Variants in PPP4R4 observed in about 807,000 individuals in gnomAD.
PPP4R4 encodes the protein protein phosphatase 4 regulatory subunit 4.
A neutral mutation model predicts 121.8 loss-of-function variants in PPP4R4; 70 were observed. The observed-to-expected ratio is 0.57, with a 90% CI of 0.47 to 0.70. The LOEUF is 0.70. PPP4R4 is among the 30% of genes least tolerant of loss of function. PPP4R4 has a pLI of 0.00. For synonymous variants in PPP4R4, 348 were observed against 355.7 expected, an observed-to-expected ratio of 0.98 and a Z score of 0.24; for missense variants, 875 against 1,033.6, an observed-to-expected ratio of 0.85 and a Z score of 2.10.
intron 15 of PPP4R4, 144 bp downstream of exon 15, chr14:94,250,421 C>G (rs1302254473): frequency 3.4e-6 from 2 of 594,744 alleles, no homozygotes; most frequent in African/African-American, 3.7e-5. Context: ...TCTAGAAATC[C>G]TTATGGCAAG....
intron 14 of PPP4R4, 133 bp from the exon 15 acceptor site, chr14:94,250,039 G>C (rs1893094351): frequency 5.0e-6 from 3 of 595,296 alleles, no homozygotes; most frequent in South Asian, 4.5e-5. Flanking sequence ...CTTCCAGAAG[G>C]ATGTAAGTTC....
chr14:94,190,531 G>T (rs1445418717), intron 2 of PPP4R4, among the ~76,000 whole-genome samples: 2 of 151,988 alleles, frequency 1.3e-5, no homozygotes, highest in Non-Finnish European at 2.9e-5. Context: ...ACCCCGGGAG[G>T]CAGAGGTTGC....
rs1888668394 is a variant in PPP4R4, at chr14:94,176,105, G to C, written c.169G>C (p.Glu57Gln). Reference protein sequence around the residue: ...LTVDEDLSDIERAVYLLSAGQ... With the variant: ...LTVDEDLSDIQRAVYLLSAGQ... ...AGTCGATGAAGACCTCAGTGATATT[G>C]AAAGGGCTGTTTATCTGCTCAGGTA... is the stretch of plus-strand genomic sequence containing the variant. The change falls in exon 2 of 25, where the codon GAA becomes CAA. Residue 57 changes from glutamate (E) to glutamine (Q), a missense_variant. Coordinates refer to ENST00000304338, the MANE Select transcript of PPP4R4 (RefSeq NM_058237.2). The C allele has an allele frequency of 6.2e-7, 1 of 1,612,040 alleles. No homozygotes were observed. Among genetic ancestry groups the C allele is most frequent in the South Asian group, 1.1e-5 (1 of 91,046 alleles).
In PPP4R4 at chr14:94,234,592, A is replaced by G. The variant is rs1233474344; in HGVS notation, c.654A>G (p.Lys218=). Residue 218 remains lysine, a synonymous_variant, in exon 7 of 25, where the codon AAA becomes AAG. Coordinates refer to ENST00000304338, the MANE Select transcript of PPP4R4 (RefSeq NM_058237.2). ...TIKREILPLV[K]SLCQDVEYEV... ...AGCGAGAAATACTTCCTCTGGTAAA[A>G]TCACTCTGTCAAGATGTAGAATATG... The G allele has an allele frequency of 1.2e-6, 2 of 1,607,086 alleles. No homozygotes were observed. The highest frequency in any genetic ancestry group is 4.5e-5 in the East Asian group (2 of 44,728).
In PPP4R4 at chr14:94,233,748, T is replaced by G; in HGVS notation, c.612T>G (p.Phe204Leu). The G allele has an allele frequency of 6.4e-7, 1 of 1,562,328 alleles. No individual in the cohort carries two copies. ...CKILGKLTNKFDAHTIKREIL... is the reference protein window; with the variant it reads ...CKILGKLTNKLDAHTIKREIL... ...TTTTAGGAAAATTGACCAACAAATT[T>G]GATGCCCACACGTGAGTATTTGTAT... The change falls in exon 6 of 25, where the codon TTT (phenylalanine) becomes TTG (leucine). Residue 204 changes from phenylalanine (F) to leucine (L), a missense_variant. Coordinates refer to ENST00000304338, the MANE Select transcript of PPP4R4 (RefSeq NM_058237.2).
rs774951844 is a variant in PPP4R4 at position 94,246,551 on chromosome 14, A to G, written c.1611+12A>G. 2.5e-6 allele frequency: 4 copies of G among 1,595,138 alleles called. No homozygotes were observed. The South Asian group carries it at 4.5e-5, about 18-fold the overall frequency. On this transcript the variant is annotated intron_variant, in intron 14 of 24. Transcript: ENST00000304338. Reference sequence around the variant, plus strand: ...TCATGATGACAAATGTGAGCTCAGTACCTTTCATCTTATTCTTTTGAACTC... The same window carrying G: ...TCATGATGACAAATGTGAGCTCAGTGCCTTTCATCTTATTCTTTTGAACTC...
At position 94,230,667 on chromosome 14, in the gene PPP4R4, G is replaced by A; in HGVS notation, c.375G>A (p.Val125=). The A allele has an allele frequency of 2.5e-6, 4 of 1,613,084 alleles. No homozygotes were observed. The highest frequency in any genetic ancestry group is 2.5e-6 in the Non-Finnish European group (3 of 1,179,018). The change falls in exon 4 of 25, where the codon GTG becomes GTA. Residue 125 remains valine (V), a synonymous_variant. Coordinates refer to ENST00000304338, the MANE Select transcript of PPP4R4 (RefSeq NM_058237.2). ...SFLTILQDES[V]SIHAYTHSFL... ...TGACCATTCTGCAGGACGAATCAGT[G>A]TCAATTCATGCATATACCCACTCAT...
At chr14:94,174,624 G>T in intron 1 of PPP4R4, 42 bp downstream of exon 1, 5 of 1,600,586 alleles carry the variant, frequency 3.1e-6, no homozygotes, top group Non-Finnish European at 4.3e-6. Flanking sequence ...GCGTCCGGCC[G>T]CCTGCCCCGC....
intron 23 of PPP4R4, among the ~76,000 whole-genome samples, chr14:94,268,042 T>C (rs1894134528): frequency 6.6e-6 from 1 of 152,188 alleles, no homozygotes; most frequent in African/African-American, 2.4e-5. Flanking sequence ...TAACAGAAAG[T>C]TGATTAACTA....
intron 3 of PPP4R4, among the ~76,000 whole-genome samples, chr14:94,223,393 A>T (rs1447743421): frequency 6.6e-6 from 1 of 152,182 alleles, no homozygotes. Context: ...ACCTGATTTC[A>T]GGTACTGGAT....
At chr14:94,212,154 G>A (rs1451704480) in intron 3 of PPP4R4, among the ~76,000 whole-genome samples, 1 of 152,058 alleles carries the variant, frequency 6.6e-6, no homozygotes, top group Non-Finnish European at 1.5e-5. Context: ...TGGAGATTTT[G>A]CTGGCCTTAT....
intron 2 of PPP4R4, among the ~76,000 whole-genome samples, chr14:94,190,004 C>T (rs1337705085): frequency 6.6e-6 from 1 of 151,736 alleles, no homozygotes; most frequent in Non-Finnish European, 1.5e-5. Flanking sequence ...TAATACTTGT[C>T]ACCCCTTCTT....
At chr14:94,263,944 C>T (rs1348923225) in intron 19 of PPP4R4, among the ~76,000 whole-genome samples, 1 of 152,074 alleles carries the variant, frequency 6.6e-6, no homozygotes, top group Non-Finnish European at 1.5e-5. Flanking sequence ...CTCTAGTATT[C>T]TAGCATGTCA....
chr14:94,180,941 T>C (rs376630574), intron 2 of PPP4R4, among the ~76,000 whole-genome samples: 1 of 152,316 alleles, frequency 6.6e-6, no homozygotes, highest in Non-Finnish European at 1.5e-5. Context: ...GTGAGAACTC[T>C]GGCGTACTTC....
intron 18 of PPP4R4, among the ~76,000 whole-genome samples, 190 bp downstream of exon 18, chr14:94,259,014 G>T (rs1048337618): frequency 1.4e-4 from 21 of 152,156 alleles, no homozygotes; most frequent in African/African-American, 4.8e-4. Flanking sequence ...ATGGCGGCAG[G>T]CAAAGAGAGA....
At chr14:94,237,537 T>A in intron 7 of PPP4R4, 28 bp from the exon 8 acceptor site, 1 of 1,592,474 alleles carries the variant, frequency 6.3e-7, no homozygotes, top group Non-Finnish European at 8.6e-7. Flanking sequence ...TTGATTTGAT[T>A]TATTTTCTTC....
chr14:94,252,826 A>G (rs537801351), intron 16 of PPP4R4, among the ~76,000 whole-genome samples: 3 of 152,232 alleles, frequency 2.0e-5, no homozygotes, highest in Non-Finnish European at 4.4e-5. Context: ...AAAGATGCAT[A>G]TGTACCACTT....
chr14:94,247,784 C>T (rs560276263), intron 14 of PPP4R4, among the ~76,000 whole-genome samples: 2 of 152,252 alleles, frequency 1.3e-5, no homozygotes, highest in South Asian at 2.1e-4. Context: ...ATGTTATTTG[C>T]CACATAAACA....
intron 3 of PPP4R4, chr14:94,227,172 T>C (rs1891760644): frequency 2.5e-6 from 2 of 785,262 alleles, no homozygotes; most frequent in South Asian, 2.1e-5. Flanking sequence ...CATTTCATTT[T>C]TGAGGAATTC....
Sources: gnomAD v4.1 joint callset for allele counts (sites outside exome capture counted in the v4.1 genomes callset) on GRCh38, gnomAD v4.1.1 for gene constraint, MANE v1.5 for transcripts, NCBI Gene and HGNC (gene_info 2026-07-23, HGNC 2026-07-21) for gene names.